COL26A1: variants seen among roughly 807,000 people sequenced by gnomAD.
The protein encoded by COL26A1 is collagen alpha-1(XXVI) chain.
In COL26A1, 41 loss-of-function variants were observed where a neutral mutation model predicts 59.3. The ratio of observed to expected loss-of-function variants is 0.69; its 90% CI spans 0.54 to 0.90. The LOEUF (loss-of-function observed/expected upper bound fraction) is 0.90. COL26A1 is among the 40% of genes least tolerant of loss of function. COL26A1 has a pLI of 0.00. For missense variants in COL26A1, 612 were observed against 602.3 expected, an observed-to-expected ratio of 1.02 and a Z score of -0.17; for synonymous variants, 266 against 256.0, an observed-to-expected ratio of 1.04 and a Z score of -0.37.
At chr7:101,472,174 T>C (rs1304470444) in intron 3 of COL26A1, among the ~76,000 whole-genome samples, 1 of 151,950 alleles carries the variant, frequency 6.6e-6, no homozygotes, top group Non-Finnish European at 1.5e-5. Flanking sequence ...CTGGCCAGTT[T>C]CCAAATTTGT....
intron 3 of COL26A1, among the ~76,000 whole-genome samples, chr7:101,499,160 T>C (rs1453376709): frequency 2.0e-5 from 3 of 152,154 alleles, no homozygotes; most frequent in Non-Finnish European, 4.4e-5. Context: ...TCCCTGGCAC[T>C]GGCTGACCTG....
chr7:101,362,585 C>T (rs1470770400), upstream of COL26A1, among the ~76,000 whole-genome samples: 1 of 152,196 alleles, frequency 6.6e-6, no homozygotes, highest in East Asian at 1.9e-4. Context: ...CCAACATCGT[C>T]CAGGTGAAAT....
At chr7:101,425,663 A>AT (rs34087485) in intron 2 of COL26A1, among the ~76,000 whole-genome samples, 66,221 of 149,524 alleles carry the variant, frequency 0.44, 16,263 homozygotes, top group Admixed American at 0.57. Context: ...CACCTGGCTA[A>AT]TTTTTTTTTC....
chr7:101,402,228 G>C (rs188946242), intron 1 of COL26A1, among the ~76,000 whole-genome samples: 4 of 152,156 alleles, frequency 2.6e-5, no homozygotes, highest in Admixed American at 1.3e-4. Flanking sequence ...TGATGTGATC[G>C]TGTCGGATGC....
chr7:101,436,051 G>T (rs1324972668), intron 2 of COL26A1, among the ~76,000 whole-genome samples: 1 of 152,136 alleles, frequency 6.6e-6, no homozygotes, highest in East Asian at 1.9e-4. Context: ...GGGTTGAGAA[G>T]CTCACCATGG....
At chr7:101,548,620 G>A (rs1320052704) in intron 8 of COL26A1, among the ~76,000 whole-genome samples, 1 of 150,670 alleles carries the variant, frequency 6.6e-6, no homozygotes, top group African/African-American at 2.4e-5. Context: ...CCAGGAGGAA[G>A]GACAGCTTTA....
At chr7:101,405,480 G>A (rs931395906) in intron 1 of COL26A1, among the ~76,000 whole-genome samples, 2 of 151,970 alleles carry the variant, frequency 1.3e-5, no homozygotes, top group Admixed American at 1.3e-4. Flanking sequence ...ACAGACACAA[G>A]CCACCATGCC....
At chr7:101,430,662 T>G (rs541400748) in intron 2 of COL26A1, among the ~76,000 whole-genome samples, 30 of 152,016 alleles carry the variant, frequency 2.0e-4, no homozygotes, top group African/African-American at 7.2e-4. Context: ...TATATTGATC[T>G]CGTAGCCTGT....
chr7:101,533,731 C>T (rs1356106997), intron 4 of COL26A1, among the ~76,000 whole-genome samples: 1 of 152,154 alleles, frequency 6.6e-6, no homozygotes, highest in African/African-American at 2.4e-5. Context: ...TGTGGGAGCA[C>T]CTGGGGCTCC....
At chr7:101,400,745 G>T (rs1791977288) in intron 1 of COL26A1, among the ~76,000 whole-genome samples, 1 of 151,984 alleles carries the variant, frequency 6.6e-6, no homozygotes, top group South Asian at 2.1e-4. Context: ...TTTTAGTAGA[G>T]ACCGGGTTTC....
chr7:101,466,140 G>T (rs746594364), intron 3 of COL26A1, among the ~76,000 whole-genome samples: 4 of 152,038 alleles, frequency 2.6e-5, no homozygotes, highest in Non-Finnish European at 4.4e-5. Context: ...AAGGCCACAG[G>T]CGTCAATAGC....
chr7:101,433,881 A>T (rs1387766167), intron 2 of COL26A1, among the ~76,000 whole-genome samples: 1 of 152,068 alleles, frequency 6.6e-6, no homozygotes, highest in Non-Finnish European at 1.5e-5. Flanking sequence ...TCCTCATCTC[A>T]TTATTCCCAG....
At chr7:101,471,809 AC>A (rs1242844475) in intron 3 of COL26A1, among the ~76,000 whole-genome samples, 1 of 151,812 alleles carries the variant, frequency 6.6e-6, no homozygotes, top group Non-Finnish European at 1.5e-5. Flanking sequence ...CCAACTCCTG[AC>A]CTCAAGTGAT....
At chr7:101,400,353 A>ATTTTTT (rs574852983) in intron 1 of COL26A1, among the ~76,000 whole-genome samples, 2 of 97,256 alleles carry the variant, frequency 2.1e-5, no homozygotes, top group African/African-American at 4.5e-5. Context: ...TTTTTTTCCT[A>ATTTTTT]TTTTTTTTTT....
intron 1 of COL26A1, among the ~76,000 whole-genome samples, chr7:101,387,630 G>GCGCT (rs1554404011): frequency 0.041 from 5,455 of 132,274 alleles, 200 homozygotes; most frequent in African/African-American, 0.093. Flanking sequence ...TCTCTCTCTC[G>GCGCT]CTCTCTCTCT....
chr7:101,497,970 C>T (rs1028202967), intron 3 of COL26A1, among the ~76,000 whole-genome samples: 7 of 152,142 alleles, frequency 4.6e-5, no homozygotes, highest in Non-Finnish European at 8.8e-5. Flanking sequence ...GGCAACAGAG[C>T]GAGACCCTAT....
intron 3 of COL26A1, among the ~76,000 whole-genome samples, chr7:101,463,859 C>CTTTTT (rs2130436951): frequency 1.0e-5 from 1 of 97,474 alleles, no homozygotes; most frequent in African/African-American, 4.7e-5. Context: ...CCTCTTTTTT[C>CTTTTT]TCTTTTTTCT....
intron 1 of COL26A1, among the ~76,000 whole-genome samples, chr7:101,377,992 A>G (rs1401821099): frequency 2.6e-5 from 4 of 152,098 alleles, no homozygotes; most frequent in Admixed American, 6.6e-5. Flanking sequence ...TGCAGCCTCC[A>G]CCTCTCGGAC....
At chr7:101,547,368 G>GT in intron 8 of COL26A1, 129 bp downstream of exon 8, 1 of 584,210 alleles carries the variant, frequency 1.7e-6, no homozygotes, top group Non-Finnish European at 3.1e-6. Flanking sequence ...TGGGGACTGG[G>GT]TCTGTCCCAC....
Sources: allele counts gnomAD v4.1 joint callset (sites outside exome capture counted in the v4.1 genomes callset), GRCh38; gene constraint gnomAD v4.1.1; transcripts MANE v1.5; gene names NCBI Gene and HGNC (gene_info 2026-07-23, HGNC 2026-07-21).